Variants in GRM1 observed in about 807,000 individuals in gnomAD.
The protein encoded by GRM1 is metabotropic glutamate receptor 1.
Under a neutral mutation model 90.9 loss-of-function variants are expected in GRM1, and 33 were observed. The observed-to-expected ratio is 0.36, with a 90% confidence interval of 0.28 to 0.49. The LOEUF is 0.49. Ranked by LOEUF, GRM1 falls within the 20% of genes least tolerant of loss-of-function variation. The probability of loss-of-function intolerance (pLI) is 0.99; values close to 1 mark genes in which losing one functional copy is unlikely to be tolerated. For missense variants in GRM1, 1,190 were observed against 1,534.3 expected, an observed-to-expected ratio of 0.78 and a Z score of 3.75; for synonymous variants, 700 against 613.2, an observed-to-expected ratio of 1.14 and a Z score of -2.09.
At position 146,412,264 on chromosome 6, in the gene GRM1, C is replaced by T. The variant is rs9403784; in HGVS notation, c.2660+12565C>T. 3.6e-3 allele frequency among the ~76,000 whole-genome samples: 541 copies of T among 152,220 alleles called. 23 individuals carry two copies. The East Asian group carries it at 0.092, about 26-fold the overall frequency. ...ATAAGCCTTATCCTAGCTGACATAT[C>T]GTTCTTTCAGGGGCAGACAAAAATA... On this transcript the variant is annotated intron_variant, in intron 7 of 7. Coordinates refer to ENST00000282753, the MANE Select transcript of GRM1 (RefSeq NM_001278064.2).
At chr6:146,344,944 T>C (rs986290070) in intron 3 of GRM1, among the ~76,000 whole-genome samples, 1 of 152,196 alleles carries the variant, frequency 6.6e-6, no homozygotes, top group African/African-American at 2.4e-5. Context: ...CCCTAGTAGC[T>C]GGGATTCCAG....
intron 2 of GRM1, among the ~76,000 whole-genome samples, chr6:146,230,313 T>C (rs544110314): frequency 6.6e-6 from 1 of 152,264 alleles, no homozygotes; most frequent in East Asian, 1.9e-4. Flanking sequence ...GAAAACTCAC[T>C]AATAAGAAAA....
intron 3 of GRM1, among the ~76,000 whole-genome samples, chr6:146,328,029 C>A (rs949095770): frequency 6.6e-6 from 1 of 152,106 alleles, no homozygotes; most frequent in African/African-American, 2.4e-5. Flanking sequence ...TTTTTTCCTA[C>A]ATCACAATTT....
chr6:146,349,607 C>T (rs1785321396), intron 3 of GRM1, among the ~76,000 whole-genome samples: 1 of 151,940 alleles, frequency 6.6e-6, no homozygotes, highest in Non-Finnish European at 1.5e-5. Context: ...GTAATTATTA[C>T]ATAATTTTCT....
intron 1 of GRM1, among the ~76,000 whole-genome samples, chr6:146,120,581 A>G (rs1373945275): frequency 2.0e-5 from 3 of 152,182 alleles, no homozygotes; most frequent in Non-Finnish European, 4.4e-5. Flanking sequence ...GGTTTGTCAT[A>G]AATAGTTCTT....
At chr6:146,386,458 T>C (rs1392279593) in intron 5 of GRM1, among the ~76,000 whole-genome samples, 1 of 152,166 alleles carries the variant, frequency 6.6e-6, no homozygotes, top group Non-Finnish European at 1.5e-5. Flanking sequence ...CAACAAAAAT[T>C]GTATAATTAC....
At chr6:146,278,505 A>G (rs2206519) in intron 2 of GRM1, among the ~76,000 whole-genome samples, 57,539 of 152,030 alleles carry the variant, frequency 0.38, 15,029 homozygotes, top group African/African-American at 0.75. Flanking sequence ...GCTGGGCGTG[A>G]TAGCTCACTC....
chr6:146,173,405 GAAAAGAAAAAAA>G lies in GRM1; in HGVS notation c.950+13819_950+13830del, dbSNP rs1369247810. ...ACTCTGTCTCAAAAAAAAAAGAAAA[GAAAAGAAAAAAA>G]AAAAGAAAAAGAAAAAGAAAGAAAG... On this transcript the variant is annotated intron_variant, in intron 2 of 7. Transcript: ENST00000282753. Among the ~76,000 whole-genome samples the G allele has an allele frequency of 2.9e-4, 24 of 83,096 alleles. 2 individuals are homozygous for G. Among genetic ancestry groups the G allele is most frequent in the Admixed American group, 2.7e-3 (23 of 8,476 alleles). The allele number at this position is 83,096 out of a possible 152,430, so 54.5% of individuals were successfully genotyped here. A position where few individuals can be genotyped will look rare whatever the true frequency, so the allele number is the denominator to read the frequency against.
At chr6:146,396,610 A>G (rs1173033922) in intron 6 of GRM1, among the ~76,000 whole-genome samples, 2 of 152,134 alleles carry the variant, frequency 1.3e-5, no homozygotes, top group Non-Finnish European at 2.9e-5. Flanking sequence ...AAACACACAA[A>G]CAAAACAGAA....
rs189761389 is a variant in GRM1 at position 146,221,986 on chromosome 6, C to T, written c.950+62389C>T. On this transcript the variant is annotated intron_variant, in intron 2 of 7. Transcript: ENST00000282753. ...GTCACAGACCACACAAAAGTAGGCT[C>T]TGAGTCAGATTTGGCCCACAGACTC... is the stretch of plus-strand genomic sequence containing the variant. 2.0e-3 allele frequency among the ~76,000 whole-genome samples: 302 copies of T among 152,210 alleles called. 1 individual carries two copies. The highest frequency in any genetic ancestry group is 6.9e-3 in the African/African-American group (285 of 41,544).
At chr6:146,393,064 G>T (rs944756461) in intron 6 of GRM1, among the ~76,000 whole-genome samples, 9 of 152,160 alleles carry the variant, frequency 5.9e-5, no homozygotes, top group African/African-American at 2.2e-4. Context: ...TGGGATCGCT[G>T]GGTCAAATGG....
At chr6:146,106,852 A>C (rs900218516) in intron 1 of GRM1, among the ~76,000 whole-genome samples, 7 of 152,244 alleles carry the variant, frequency 4.6e-5, no homozygotes, top group Admixed American at 1.3e-4. Flanking sequence ...GAGGCTGGGT[A>C]ACTCAGCTAT....
At chr6:146,208,129 G>A (rs1299132315) in intron 2 of GRM1, among the ~76,000 whole-genome samples, 2 of 152,072 alleles carry the variant, frequency 1.3e-5, no homozygotes, top group Non-Finnish European at 2.9e-5. Flanking sequence ...AGGCAGTTGA[G>A]GGCTGAGTAA....
intron 2 of GRM1, among the ~76,000 whole-genome samples, chr6:146,193,602 G>T (rs562702931): frequency 6.6e-6 from 1 of 152,264 alleles, no homozygotes; most frequent in South Asian, 2.1e-4. Context: ...TTTTGGTAGG[G>T]TGGAAGCAAA....
At chr6:146,125,603 T>C (rs1001132475) in intron 1 of GRM1, among the ~76,000 whole-genome samples, 2 of 152,086 alleles carry the variant, frequency 1.3e-5, no homozygotes, top group African/African-American at 4.8e-5. Flanking sequence ...AGAGTGTAGG[T>C]CTATATGCTA....
chr6:146,282,444 T>C (rs1268632649), intron 2 of GRM1, among the ~76,000 whole-genome samples: 1 of 152,010 alleles, frequency 6.6e-6, no homozygotes, highest in Non-Finnish European at 1.5e-5. Flanking sequence ...GGAATGCCCC[T>C]GGCTCATAGC....
intron 1 of GRM1, among the ~76,000 whole-genome samples, chr6:146,136,844 A>G (rs1299302833): frequency 6.9e-6 from 1 of 144,522 alleles, no homozygotes; most frequent in African/African-American, 2.5e-5. Flanking sequence ...TTTGTTGTAC[A>G]GAAGCTTTTT....
chr6:146,293,327 G>T (rs562143832), intron 2 of GRM1, among the ~76,000 whole-genome samples: 2 of 152,064 alleles, frequency 1.3e-5, no homozygotes, highest in African/African-American at 4.8e-5. Flanking sequence ...CAATGGAGAG[G>T]AGATGCTTGA....
chr6:146,132,428 A>G (rs1180671096), intron 1 of GRM1, among the ~76,000 whole-genome samples: 1 of 152,206 alleles, frequency 6.6e-6, no homozygotes, highest in Non-Finnish European at 1.5e-5. Context: ...AGGAAATAAA[A>G]TGATTTCATT....
Sources: allele counts gnomAD v4.1 joint callset (sites outside exome capture counted in the v4.1 genomes callset), GRCh38; gene constraint gnomAD v4.1.1; transcripts MANE v1.5; gene names NCBI Gene and HGNC (gene_info 2026-07-23, HGNC 2026-07-21).